Variants in RBMS3 observed in about 807,000 individuals in gnomAD.
RBMS3 encodes RNA-binding motif, single-stranded-interacting protein 3.
In RBMS3, 27 loss-of-function variants were observed where a neutral mutation model predicts 66.8. The ratio of observed to expected loss-of-function variants is 0.40; its 90% CI spans 0.30 to 0.56. The LOEUF (loss-of-function observed/expected upper bound fraction) is 0.56, where lower values mean the gene tolerates loss of function less well. Ranked by LOEUF, RBMS3 falls within the 20% of genes least tolerant of loss-of-function variation. The probability of loss-of-function intolerance (pLI) is 0.40; values close to 1 mark genes in which losing one functional copy is unlikely to be tolerated. For missense variants in RBMS3, 513 were observed against 549.5 expected (o/e 0.93, Z 0.66); for synonymous variants, 188 against 183.0 (o/e 1.03, Z -0.22).
intron 6 of RBMS3, among the ~76,000 whole-genome samples, chr3:29,773,618 G>A (rs541033158): frequency 2.5e-4 from 38 of 152,138 alleles, no homozygotes; most frequent in African/African-American, 7.0e-4. Context: ...GCAAATGTTA[G>A]TGCTCCCGGA....
chr3:29,963,039 AT>A (rs761007209), intron 12 of RBMS3, among the ~76,000 whole-genome samples: 497 of 143,930 alleles, frequency 3.5e-3, no homozygotes, highest in South Asian at 0.012. Flanking sequence ...TACTTTGGAG[AT>A]TTTTTTTTTT....
chr3:29,503,953 C>A (rs2044081294), intron 3 of RBMS3, among the ~76,000 whole-genome samples: 1 of 152,042 alleles, frequency 6.6e-6, no homozygotes. Context: ...GGATTTAACT[C>A]GAGTTAAAGC....
chr3:29,807,220 A>G (rs1473764475), intron 6 of RBMS3, among the ~76,000 whole-genome samples: 1 of 151,946 alleles, frequency 6.6e-6, no homozygotes, highest in African/African-American at 2.4e-5. Flanking sequence ...TTCACATTGC[A>G]ACATGACAAA....
chr3:29,431,908 T>C (rs997912054), intron 1 of RBMS3, among the ~76,000 whole-genome samples: 1 of 151,866 alleles, frequency 6.6e-6, no homozygotes, highest in South Asian at 2.1e-4. Flanking sequence ...GTGTATTTTT[T>C]ATAGAGATGG....
intron 1 of RBMS3, among the ~76,000 whole-genome samples, chr3:29,352,558 A>T (rs143560915): frequency 1.3e-5 from 2 of 152,112 alleles, no homozygotes; most frequent in African/African-American, 4.8e-5. Flanking sequence ...TGAGGTATCC[A>T]TCACTTTGGG....
intron 6 of RBMS3, among the ~76,000 whole-genome samples, chr3:29,781,073 T>C (rs1488892693): frequency 6.6e-6 from 1 of 151,908 alleles, no homozygotes; most frequent in Admixed American, 6.6e-5. Flanking sequence ...CATTAACTCG[T>C]CATTTAGCAT....
chr3:29,888,964 G>A (rs2149588177), intron 8 of RBMS3, among the ~76,000 whole-genome samples: 1 of 151,492 alleles, frequency 6.6e-6, no homozygotes, highest in South Asian at 2.1e-4. Flanking sequence ...CTCCCCCCAC[G>A]AACAATTTTC....
chr3:29,367,389 TGTGA>T (rs1260481764), intron 1 of RBMS3, among the ~76,000 whole-genome samples: 1 of 152,092 alleles, frequency 6.6e-6, no homozygotes, highest in African/African-American at 2.4e-5. Flanking sequence ...TGTCTACGTG[TGTGA>T]GTGAGAGAGA....
intron 4 of RBMS3, among the ~76,000 whole-genome samples, chr3:29,636,415 C>G (rs756787090): frequency 6.6e-6 from 1 of 151,820 alleles, no homozygotes; most frequent in African/African-American, 2.4e-5. Flanking sequence ...TAAAGGAAAT[C>G]AAACACACTA....
chr3:29,338,285 T>C (rs1169198882), intron 1 of RBMS3, among the ~76,000 whole-genome samples: 1 of 152,196 alleles, frequency 6.6e-6, no homozygotes, highest in Admixed American at 6.5e-5. Flanking sequence ...ATGTATTTAA[T>C]ACTTCATCTA....
At chr3:29,590,643 T>C (rs2149099153) in intron 4 of RBMS3, among the ~76,000 whole-genome samples, 1 of 152,196 alleles carries the variant, frequency 6.6e-6, no homozygotes, top group Non-Finnish European at 1.5e-5. Context: ...ACTATGAATT[T>C]TGGCTGTTAC....
intron 8 of RBMS3, among the ~76,000 whole-genome samples, chr3:29,896,796 A>G (rs1380572894): frequency 6.6e-6 from 1 of 151,594 alleles, no homozygotes; most frequent in Non-Finnish European, 1.5e-5. Flanking sequence ...TACAGAGTCT[A>G]TAGGAGCCTA....
chr3:29,937,369 T>G (rs2061293308), intron 11 of RBMS3, among the ~76,000 whole-genome samples: 1 of 152,042 alleles, frequency 6.6e-6, no homozygotes, highest in South Asian at 2.1e-4. Context: ...GCACACTAGT[T>G]GTGTATCAGG....
intron 3 of RBMS3, among the ~76,000 whole-genome samples, chr3:29,491,192 C>T (rs2043529882): frequency 6.6e-6 from 1 of 152,162 alleles, no homozygotes; most frequent in Non-Finnish European, 1.5e-5. Context: ...AGCGTGGGTG[C>T]TTATCAGGAC....
intron 1 of RBMS3, among the ~76,000 whole-genome samples, chr3:29,312,279 G>A (rs1171783495): frequency 1.0e-5 from 1 of 98,644 alleles, no homozygotes; most frequent in Non-Finnish European, 2.5e-5. Context: ...TTTTTTTCTA[G>A]CATTCTGTTT....
chr3:29,404,662 A>G (rs1432023500), intron 1 of RBMS3, among the ~76,000 whole-genome samples: 1 of 152,076 alleles, frequency 6.6e-6, no homozygotes, highest in Non-Finnish European at 1.5e-5. Flanking sequence ...CCTTACTGCC[A>G]TGCCCTAGGT....
At chr3:29,665,049 G>A (rs2050699973) in intron 4 of RBMS3, among the ~76,000 whole-genome samples, 1 of 152,148 alleles carries the variant, frequency 6.6e-6, no homozygotes, top group African/African-American at 2.4e-5. Context: ...TAACATTCTA[G>A]CTTTCTATAT....
intron 6 of RBMS3, among the ~76,000 whole-genome samples, chr3:29,822,611 A>T (rs1394603097): frequency 6.6e-6 from 1 of 152,160 alleles, no homozygotes; most frequent in Admixed American, 6.6e-5. Context: ...AATGTATCCA[A>T]TGACAATTTA....
rs372274369 is a variant in RBMS3 at position 29,707,136 on chromosome 3, G to A, written c.400-32584G>A. On this transcript the variant is annotated intron_variant, in intron 4 of 14. Coordinates refer to ENST00000383767, the MANE Select transcript of RBMS3 (RefSeq NM_001003793.3). ...CTTGAAATTAATGTCTTTCATAAAA[G>A]ATGACTTTTTCACATCTGGAAAATG... Among the ~76,000 whole-genome samples, 40 of 152,258 alleles carry A rather than the reference G, an allele frequency of 2.6e-4. No homozygotes were observed. The East Asian group carries it at 6.8e-3, about 26-fold the overall frequency.
Sources: allele counts gnomAD v4.1 joint callset (sites outside exome capture counted in the v4.1 genomes callset), GRCh38; gene constraint gnomAD v4.1.1; transcripts MANE v1.5; gene names NCBI Gene and HGNC (gene_info 2026-07-23, HGNC 2026-07-21).